TRIT1: variants seen among roughly 807,000 people sequenced by gnomAD.
TRIT1 encodes tRNA dimethylallyltransferase.
TRIT1 carries 43 observed loss-of-function variants against 51.2 expected under a neutral mutation model. That is an observed-to-expected ratio of 0.84 (90% CI 0.66 to 1.08). The LOEUF (loss-of-function observed/expected upper bound fraction) is 1.08, where lower values mean the gene tolerates loss of function less well. Ranked by LOEUF, TRIT1 falls within the 50% of genes least tolerant of loss-of-function variation. The pLI is 0.00. For synonymous variants in TRIT1, 184 were observed against 203.9 expected (o/e 0.90, Z 0.83); for missense variants, 528 against 578.4 (o/e 0.91, Z 0.89).
At chr1:39,865,669 T>TAAAAA (rs1464023783) in intron 1 of TRIT1, among the ~76,000 whole-genome samples, 3 of 52,994 alleles carry the variant, frequency 5.7e-5, no homozygotes, top group Admixed American at 2.6e-4. Flanking sequence ...ACTCTGTCTC[T>TAAAAA]ACAAAAAAAA....
intron 1 of TRIT1, among the ~76,000 whole-genome samples, chr1:39,859,582 C>CAAA (rs757122180): frequency 1.4e-4 from 17 of 117,516 alleles, no homozygotes; most frequent in Non-Finnish European, 1.6e-4. Context: ...GACTTTGTCT[C>CAAA]AAAAAAAAAA....
intron 1 of TRIT1, among the ~76,000 whole-genome samples, chr1:39,860,553 C>T (rs962163469): frequency 6.6e-6 from 1 of 152,104 alleles, no homozygotes; most frequent in African/African-American, 2.4e-5. Context: ...TGGTCCCAAG[C>T]ATTTTGCATA....
intron 1 of TRIT1, among the ~76,000 whole-genome samples, chr1:39,860,472 T>A (rs996491713): frequency 5.3e-5 from 8 of 152,212 alleles, no homozygotes; most frequent in Admixed American, 4.6e-4. Context: ...TTTTCAGATT[T>A]GGGATGCTCA....
At chr1:39,851,435 G>A (rs973376455) in intron 4 of TRIT1, among the ~76,000 whole-genome samples, 2 of 152,010 alleles carry the variant, frequency 1.3e-5, no homozygotes, top group Non-Finnish European at 2.9e-5. Flanking sequence ...ATATAAAAAT[G>A]AATGTTTATC....
intron 1 of TRIT1, among the ~76,000 whole-genome samples, chr1:39,880,492 C>T (rs1644223896): frequency 6.6e-6 from 1 of 152,116 alleles, no homozygotes; most frequent in Non-Finnish European, 1.5e-5. Flanking sequence ...AGCAGCATCT[C>T]CTTTCACTGG....
At chr1:39,857,195 A>G in intron 2 of TRIT1, 82 bp downstream of exon 2, 7 of 1,487,960 alleles carry the variant, frequency 4.7e-6, no homozygotes, top group Non-Finnish European at 6.3e-6. Context: ...CTGAGAAGAA[A>G]TTGCCACTAG....
intron 1 of TRIT1, among the ~76,000 whole-genome samples, chr1:39,860,568 A>C (rs973629641): frequency 2.6e-5 from 4 of 152,190 alleles, no homozygotes; most frequent in Non-Finnish European, 4.4e-5. Flanking sequence ...TGCATAATGG[A>C]TACTCAACCT....
In TRIT1 at chr1:39,847,608, C is replaced by T. The variant is rs746370002; in HGVS notation, c.868G>A (p.Glu290Lys). 7 of 1,614,168 alleles carry T rather than the reference C, an allele frequency of 4.3e-6. No homozygotes were observed. The highest frequency in any genetic ancestry group is 2.2e-5 in the East Asian group (1 of 44,880). ...FQSIGFKEFH[E>K]YLITEGKCTL... ...CATTTTCCCTCAGTGATCAGGTACT[C>T]GTGAAATTCCTTGAAGCCAATTGAT... The change falls in exon 7 of 11, where the codon GAG becomes AAG. Residue 290 changes from glutamate to lysine, a missense_variant. Physicochemically the swap from Glu to Lys is moderately conservative, Grantham distance 56. This residue lies in a region of TRIT1 where 468 missense variants were observed against 522.6 expected (regional missense o/e 0.90). Transcript: ENST00000316891.
chr1:39,870,513 TAAAAAAAA>T (rs60334518), intron 1 of TRIT1, among the ~76,000 whole-genome samples: 14 of 78,790 alleles, frequency 1.8e-4, no homozygotes, highest in Admixed American at 1.4e-3. Context: ...CAATAAATAC[TAAAAAAAA>T]AAAAAAAAAA....
intron 10 of TRIT1, among the ~76,000 whole-genome samples, chr1:39,843,323 G>T (rs897519713): frequency 6.6e-6 from 1 of 152,172 alleles, no homozygotes; most frequent in Non-Finnish European, 1.5e-5. Context: ...CCTGAAAGCA[G>T]CAAACCTTAC....
At chr1:39,865,671 C>T (rs77175750) in intron 1 of TRIT1, among the ~76,000 whole-genome samples, 1 of 68,326 alleles carries the variant, frequency 1.5e-5, no homozygotes, top group African/African-American at 4.9e-5. Context: ...TCTGTCTCTA[C>T]AAAAAAAAAA....
intron 2 of TRIT1, among the ~76,000 whole-genome samples, chr1:39,854,829 G>T (rs1251294396): frequency 6.6e-6 from 1 of 151,938 alleles, no homozygotes; most frequent in Non-Finnish European, 1.5e-5. Context: ...CTTTAAGGCG[G>T]CCTTTGCTCC....
chr1:39,881,775 C>T (rs1644273606), intron 1 of TRIT1: 1 of 152,198 alleles, frequency 6.6e-6, no homozygotes, highest in Non-Finnish European at 1.5e-5. Context: ...CCATACTAAG[C>T]CAGCCTTCGA....
rs1642642638 is a variant in TRIT1, at chr1:39,852,559, G to C, written c.560+172C>G. On this transcript the variant is annotated intron_variant, in intron 4 of 10. Coordinates refer to ENST00000316891, the MANE Select transcript of TRIT1 (RefSeq NM_017646.6). ...AAAGTAGGCTGCAATTATTTATTGA[G>C]GGAGTTGAACTGAAGCAATAACTCA... is the stretch of plus-strand genomic sequence containing the variant. The C allele has an allele frequency of 5.7e-6, 4 of 695,668 alleles. No homozygotes were observed. In the South Asian group the frequency reaches 7.9e-5, roughly 14 times the overall value. 43.1% of individuals were successfully genotyped at this position (695,668 alleles called of 1,614,324 possible).
At chr1:39,850,018 G>A in intron 5 of TRIT1, 101 bp downstream of exon 5, 1 of 1,288,470 alleles carries the variant, frequency 7.8e-7, no homozygotes, top group Non-Finnish European at 1.1e-6. Context: ...CTTGTTTAGT[G>A]TTTATTATGA....
At chr1:39,859,112 G>T (rs61779842) in intron 1 of TRIT1, among the ~76,000 whole-genome samples, 21,687 of 151,574 alleles carry the variant, frequency 0.14, 2,033 homozygotes, top group Non-Finnish European at 0.22. Context: ...AAATTAGCTG[G>T]GTGTCGTGGC....
In TRIT1 at chr1:39,838,832, G is replaced by A. The variant is rs1207087644; in HGVS notation, c.*2912C>T. 6.6e-6 allele frequency among the ~76,000 whole-genome samples: 1 copy of A among 151,976 alleles called. No homozygotes were observed. Among genetic ancestry groups the A allele is most frequent in the African/African-American group, 2.4e-5 (1 of 41,362 alleles). On this transcript the variant is annotated 3_prime_UTR_variant, in exon 11 of 11. Transcript: ENST00000316891. Reference sequence around the variant, plus strand: ...TTTTTAATGTTATACTGGGTGTTTTGTTTTGTTTTAAGCAAAAAAATCCTC... The same window carrying A: ...TTTTTAATGTTATACTGGGTGTTTTATTTTGTTTTAAGCAAAAAAATCCTC...
At position 39,852,814 on chromosome 1, in the gene TRIT1, ACCAT is replaced by A; in HGVS notation, c.473_476del (p.Asp158ValfsTer8). On this transcript the variant is annotated frameshift_variant, in exon 4 of 11. Transcript: ENST00000316891. LOFTEE classifies it high-confidence loss of function. ...GGCTTAGGCGTTTGTGAAGTACAAG[ACCAT>A]CCTCCTTTTCAAGCTCCACTTTTCG... The A allele has an allele frequency of 3.1e-6, 5 of 1,614,112 alleles. No homozygotes were observed. Among genetic ancestry groups the A allele is most frequent in the Non-Finnish European group, 4.2e-6 (5 of 1,179,998 alleles).
rs116287306 is a variant in TRIT1, at chr1:39,852,307, G to A, written c.560+424C>T. 3.2e-3 allele frequency among the ~76,000 whole-genome samples: 492 copies of A among 152,278 alleles called. 7 individuals carry two copies. The highest frequency in any genetic ancestry group is 0.011 in the African/African-American group (451 of 41,552). ...TAGTTTCCATGTGCAAAGGTGAGCT[G>A]ATCTGTGAGACAGTTAATAAAATCC... On this transcript the variant is annotated intron_variant, in intron 4 of 10. Transcript: ENST00000316891.
Sources: gnomAD v4.1 joint callset for allele counts (sites outside exome capture counted in the v4.1 genomes callset) on GRCh38, gnomAD v4.1.1 for gene constraint, gnomAD v4.1.1 regional missense constraint, MANE v1.5 for transcripts, NCBI Gene and HGNC (gene_info 2026-07-23, HGNC 2026-07-21) for gene names.